The following CSMD1 variants were observed in gnomAD, a reference collection of about 807,000 sequenced individuals.
The protein encoded by CSMD1 is CUB and Sushi multiple domains 1.
Under a neutral mutation model 417.5 loss-of-function variants are expected in CSMD1, and 213 were observed. That is an observed-to-expected ratio of 0.51 (90% CI 0.46 to 0.57). The LOEUF (loss-of-function observed/expected upper bound fraction) is 0.57. CSMD1 is among the 20% of genes least tolerant of loss of function. The pLI, the probability that CSMD1 is intolerant of heterozygous loss-of-function variation, is 0.00. For synonymous variants in CSMD1, 2,862 were observed against 1,736.8 expected (o/e 1.65, Z -16.11); for missense variants, 6,923 against 4,529.7 (o/e 1.53, Z -15.17).
At chr8:4,598,893 T>C (rs1177446267) in intron 2 of CSMD1, among the ~76,000 whole-genome samples, 4 of 151,568 alleles carry the variant, frequency 2.6e-5, no homozygotes, top group East Asian at 3.9e-4. Flanking sequence ...GAATGACTTT[T>C]TTCCTAGAGT....
chr8:4,191,075 A>G (rs779129), intron 3 of CSMD1, among the ~76,000 whole-genome samples: 110,190 of 151,498 alleles, frequency 0.73, 41,001 homozygotes, highest in East Asian at 0.84. Flanking sequence ...TAAGATACAC[A>G]TGGATTAAAA....
chr8:4,135,342 GAAGGA>G (rs1563169049), intron 3 of CSMD1, among the ~76,000 whole-genome samples: 4 of 140,076 alleles, frequency 2.9e-5, no homozygotes, highest in African/African-American at 1.1e-4. Context: ...GGGAAAGAAG[GAAGGA>G]AGGGAAAGGA....
At chr8:4,366,852 G>C (rs923579940) in intron 3 of CSMD1, among the ~76,000 whole-genome samples, 3 of 151,976 alleles carry the variant, frequency 2.0e-5, no homozygotes, top group South Asian at 2.1e-4. Context: ...ATCTTCTTTT[G>C]AGAAGTGCCT....
intron 1 of CSMD1, among the ~76,000 whole-genome samples, chr8:4,795,496 T>C (rs1041165194): frequency 1.3e-5 from 2 of 151,776 alleles, no homozygotes; most frequent in Non-Finnish European, 2.9e-5. Context: ...GGTCTCGATA[T>C]CCTGACCTGC....
chr8:2,973,406 A>G, intron 56 of CSMD1, 107 bp from the exon 57 acceptor site: 1 of 1,117,822 alleles, frequency 8.9e-7, no homozygotes, highest in Non-Finnish European at 1.3e-6. Flanking sequence ...TGTGTTTCAC[A>G]TGAGTTATGG....
chr8:4,113,279 G>C (rs900156005), intron 3 of CSMD1, among the ~76,000 whole-genome samples: 7 of 150,558 alleles, frequency 4.6e-5, no homozygotes, highest in African/African-American at 1.5e-4. Context: ...TAAATCAAAA[G>C]CTAGAAATGA....
rs1390612369 is a variant in CSMD1 at position 3,762,518 on chromosome 8, A to G, written c.819-8476T>C. ...AGATAGGCTGAGGTAGGATGTTTAT[A>G]TCCTCTGTGACTCAGCGAGTCTGTA... is the stretch of plus-strand genomic sequence containing the variant. On this transcript the variant is annotated intron_variant, in intron 5 of 69. Transcript: ENST00000635120. Among the ~76,000 whole-genome samples the G allele has an allele frequency of 2.6e-5, 4 of 152,182 alleles. No individual in the cohort carries two copies. The East Asian group carries it at 7.7e-4, about 29-fold the overall frequency.
At chr8:3,625,084 T>G (rs1372568358) in intron 7 of CSMD1, among the ~76,000 whole-genome samples, 4 of 152,086 alleles carry the variant, frequency 2.6e-5, no homozygotes, top group African/African-American at 9.7e-5. Context: ...TTTTTTTTAT[T>G]TTTTGCTGTT....
chr8:4,403,678 G>C (rs947333940), intron 3 of CSMD1, among the ~76,000 whole-genome samples: 1 of 152,182 alleles, frequency 6.6e-6, no homozygotes. Flanking sequence ...CTAACCCCTA[G>C]AGTAACCAAA....
intron 5 of CSMD1, among the ~76,000 whole-genome samples, chr8:3,925,468 C>A (rs956669422): frequency 6.6e-6 from 1 of 152,068 alleles, no homozygotes; most frequent in African/African-American, 2.4e-5. Context: ...CAAAAGATAA[C>A]GTTCATAATG....
intron 49 of CSMD1, among the ~76,000 whole-genome samples, chr8:3,073,758 T>G (rs1192056551): frequency 6.6e-6 from 1 of 150,578 alleles, no homozygotes; most frequent in African/African-American, 2.4e-5. Flanking sequence ...AACATGAACT[T>G]TAAAAAAATA....
At chr8:3,771,784 GA>G (rs1798587755) in intron 5 of CSMD1, among the ~76,000 whole-genome samples, 1 of 152,206 alleles carries the variant, frequency 6.6e-6, no homozygotes, top group East Asian at 1.9e-4. Context: ...TCCATTGCAG[GA>G]AAGAACTCTG....
At chr8:3,352,421 G>C (rs2551040) in intron 21 of CSMD1, among the ~76,000 whole-genome samples, 49,826 of 152,048 alleles carry the variant, frequency 0.33, 8,298 homozygotes, top group East Asian at 0.47. Context: ...AAGTATCTTT[G>C]AAAGTTCAAA....
chr8:4,528,546 C>A (rs1226851818), intron 2 of CSMD1, among the ~76,000 whole-genome samples: 2 of 152,086 alleles, frequency 1.3e-5, no homozygotes, highest in Non-Finnish European at 2.9e-5. Context: ...CTTACATTTG[C>A]TAAAAGGGTA....
rs138669639 is a variant in CSMD1, at chr8:4,165,304, G to A, written c.416-133205C>T. Among the ~76,000 whole-genome samples the A allele has an allele frequency of 2.6e-5, 4 of 152,234 alleles. No homozygotes were observed. In the East Asian group the frequency reaches 7.7e-4, roughly 29 times the overall value. On this transcript the variant is annotated intron_variant, in intron 3 of 69. Coordinates refer to ENST00000635120, the MANE Select transcript of CSMD1 (RefSeq NM_033225.6). ...TGATCCACTCGGTTAAGTTCTGTGT[G>A]CCGGGTATCTCAGCTGTAGAAGCGC...
chr8:4,163,429 T>C (rs915349878), intron 3 of CSMD1, among the ~76,000 whole-genome samples: 2 of 152,208 alleles, frequency 1.3e-5, no homozygotes, highest in Non-Finnish European at 1.5e-5. Context: ...GGCCAATTTC[T>C]TTTTTCTTGT....
At chr8:4,736,020 G>C (rs1052945904) in intron 1 of CSMD1, among the ~76,000 whole-genome samples, 6 of 152,222 alleles carry the variant, frequency 3.9e-5, no homozygotes, top group African/African-American at 1.2e-4. Context: ...GGAGCTGCTG[G>C]AGACACTCAG....
intron 8 of CSMD1, among the ~76,000 whole-genome samples, chr8:3,602,144 T>G (rs576409304): frequency 6.6e-6 from 1 of 152,322 alleles, no homozygotes; most frequent in East Asian, 1.9e-4. Context: ...GGATGCTAAA[T>G]TCTATATTAT....
At chr8:4,755,660 G>C (rs1811621959) in intron 1 of CSMD1, among the ~76,000 whole-genome samples, 1 of 152,098 alleles carries the variant, frequency 6.6e-6, no homozygotes, top group Non-Finnish European at 1.5e-5. Context: ...ATCTGTCAAT[G>C]GCATTATTAG....
Sources: gnomAD v4.1 joint callset for allele counts (sites outside exome capture counted in the v4.1 genomes callset) on GRCh38, gnomAD v4.1.1 for gene constraint, MANE v1.5 for transcripts, NCBI Gene and HGNC (gene_info 2026-07-23, HGNC 2026-07-21) for gene names.